TTC39C: variants seen among roughly 807,000 people sequenced by gnomAD.
TTC39C encodes tetratricopeptide repeat protein 39C.
TTC39C carries 33 observed loss-of-function variants against 76.3 expected under a neutral mutation model. The observed-to-expected ratio is 0.43, with a 90% CI of 0.33 to 0.58. TTC39C has a LOEUF of 0.58. Ranked by LOEUF, TTC39C falls within the 20% of genes least tolerant of loss-of-function variation. The pLI is 0.04. For missense variants in TTC39C, 595 were observed against 701.4 expected, an observed-to-expected ratio of 0.85 and a Z score of 1.71; for synonymous variants, 254 against 260.6, an observed-to-expected ratio of 0.97 and a Z score of 0.24.
At chr18:24,087,347 C>A (rs896782797) in intron 6 of TTC39C, among the ~76,000 whole-genome samples, 5 of 152,106 alleles carry the variant, frequency 3.3e-5, no homozygotes, top group Non-Finnish European at 5.9e-5. Context: ...ATTTACACAA[C>A]TTTTTTCTCT....
chr18:24,109,883 G>A (rs988143663), intron 6 of TTC39C, among the ~76,000 whole-genome samples: 6 of 152,038 alleles, frequency 3.9e-5, no homozygotes, highest in African/African-American at 1.5e-4. Flanking sequence ...GTGCACACCT[G>A]TAATCCCAGC....
chr18:24,034,948 A>G (rs2083714875), intron 1 of TTC39C, among the ~76,000 whole-genome samples: 1 of 152,210 alleles, frequency 6.6e-6, no homozygotes, highest in African/African-American at 2.4e-5. Context: ...GGATGTCCAA[A>G]TATCTGAGCT....
rs753860698 is a variant in TTC39C at position 24,125,568 on chromosome 18, A to G, written c.1420+18A>G. On this transcript the variant is annotated intron_variant, in intron 10 of 13. Coordinates refer to ENST00000317571, the MANE Select transcript of TTC39C (RefSeq NM_001135993.2). The stretch of plus-strand genomic sequence containing the variant: ...GAGTCAAGGTAAAAAATTTAAAAAA[A>G]CCCAAAACTGTCTACTGGACACACT... The G allele has an allele frequency of 1.9e-6, 3 of 1,613,778 alleles. No individual in the cohort carries two copies. Among genetic ancestry groups the G allele is most frequent in the Non-Finnish European group, 2.5e-6 (3 of 1,179,922 alleles).
intron 1 of TTC39C, among the ~76,000 whole-genome samples, chr18:24,037,000 T>C (rs1027530989): frequency 2.0e-5 from 3 of 152,196 alleles, no homozygotes; most frequent in Non-Finnish European, 4.4e-5. Flanking sequence ...TGTTTTTCTT[T>C]CCAATTGGGA....
intron 1 of TTC39C, among the ~76,000 whole-genome samples, chr18:24,023,815 CAATTCCCCTTTTATGATTGT>C (rs1485425027): frequency 1.6e-3 from 16 of 10,320 alleles, no homozygotes; most frequent in African/African-American, 1.9e-3. Context: ...CTTTTGCTAA[CAATTCCCCTTTTATGATTGT>C]AATTCCCCTT....
intron 1 of TTC39C, among the ~76,000 whole-genome samples, chr18:24,041,073 GATTACTAGAAAGAGATGA>G (rs1420725762): frequency 6.6e-6 from 1 of 152,148 alleles, no homozygotes; most frequent in Admixed American, 6.5e-5. Flanking sequence ...GGGTCTGTTG[GATTACTAGAAAGAGATGA>G]ATGGAAGTAT....
At chr18:24,009,989 TC>T (rs1455169564), upstream of TTC39C, among the ~76,000 whole-genome samples, 2 of 152,184 alleles carry the variant, frequency 1.3e-5, no homozygotes, top group Non-Finnish European at 2.9e-5. Context: ...ACAACTATGT[TC>T]CCTTCCTTAG....
At chr18:24,061,009 G>A (rs1020798210) in intron 1 of TTC39C, among the ~76,000 whole-genome samples, 1 of 151,922 alleles carries the variant, frequency 6.6e-6, no homozygotes, top group Non-Finnish European at 1.5e-5. Context: ...TGACTTTAGG[G>A]GTTGCATTAT....
At chr18:24,006,431 T>C (rs1037436766) in intron 1 of TTC39C, 1 of 152,200 alleles carries the variant, frequency 6.6e-6, no homozygotes, top group African/African-American at 2.4e-5. Flanking sequence ...CCTCCTGCAA[T>C]TGTCTTCAAA....
rs374081519 is a variant in TTC39C at position 24,134,568 on chromosome 18, C to G, written c.*1994C>G. ...GGGATTACTGGTGTGAGCCACCGTG[C>G]CCGGCCTGGACATCTGGTTTTAACT... is the stretch of plus-strand genomic sequence containing the variant. On this transcript the variant is annotated 3_prime_UTR_variant, in exon 14 of 14. Coordinates refer to ENST00000317571, the MANE Select transcript of TTC39C (RefSeq NM_001135993.2). 1 of 152,114 alleles carries G rather than the reference C, an allele frequency of 6.6e-6. No homozygotes were observed. The highest frequency in any genetic ancestry group is 1.9e-4 in the East Asian group (1 of 5,188). The allele number at this position is 152,114 out of a possible 1,614,324, so 9.4% of individuals were successfully genotyped here.
intron 1 of TTC39C, among the ~76,000 whole-genome samples, chr18:24,053,442 A>G (rs566018378): frequency 1.3e-5 from 2 of 152,330 alleles, no homozygotes; most frequent in East Asian, 3.9e-4. Flanking sequence ...GAGTGATATA[A>G]AAGCTTTTAT....
chr18:24,086,582 A>G (rs550360667), intron 6 of TTC39C, among the ~76,000 whole-genome samples: 2 of 152,298 alleles, frequency 1.3e-5, no homozygotes, highest in South Asian at 2.1e-4. Context: ...GTGCTACACC[A>G]TGATGGTGAG....
At chr18:24,053,453 G>A (rs762584768) in intron 1 of TTC39C, among the ~76,000 whole-genome samples, 1 of 152,172 alleles carries the variant, frequency 6.6e-6, no homozygotes, top group Non-Finnish European at 1.5e-5. Flanking sequence ...AAGCTTTTAT[G>A]TTCTGTGGCA....
chr18:24,123,819 T>C lies in TTC39C; in HGVS notation c.1187-15T>C, dbSNP rs371280183. The C allele has an allele frequency of 5.9e-5, 94 of 1,586,046 alleles. No homozygotes were observed. In the African/African-American group the frequency reaches 1.2e-3, roughly 20 times the overall value. On this transcript the variant is annotated splice_polypyrimidine_tract_variant and intron_variant, in intron 8 of 13. Transcript: ENST00000317571. ...CTGACTTGTACTTAAGAAATATAAT[T>C]ATGGTTTCTTACAGTTTGTCAGGGA... is the stretch of plus-strand genomic sequence containing the variant.
chr18:24,112,499 G>A (rs181199195), intron 6 of TTC39C, among the ~76,000 whole-genome samples: 1 of 152,232 alleles, frequency 6.6e-6, no homozygotes, highest in Admixed American at 6.5e-5. Context: ...AGGGTTAAGA[G>A]AAATGATTTG....
chr18:23,997,512 A>C (rs958112774), intron 1 of TTC39C, among the ~76,000 whole-genome samples: 1 of 147,018 alleles, frequency 6.8e-6, no homozygotes, highest in Non-Finnish European at 1.5e-5. Context: ...AGATTGCCCA[A>C]CTGTACTCCA....
intron 1 of TTC39C, among the ~76,000 whole-genome samples, chr18:24,061,773 G>C (rs944378268): frequency 6.6e-6 from 1 of 152,100 alleles, no homozygotes; most frequent in African/African-American, 2.4e-5. Context: ...GCATGGTGGT[G>C]CCTGCCTGTA....
At chr18:24,098,711 C>A (rs2084632173) in intron 6 of TTC39C, among the ~76,000 whole-genome samples, 1 of 151,464 alleles carries the variant, frequency 6.6e-6, no homozygotes, top group African/African-American at 2.4e-5. Flanking sequence ...TGGTTCATTG[C>A]AACCTCTGCC....
At chr18:24,040,846 G>A (rs1291770954) in intron 1 of TTC39C, among the ~76,000 whole-genome samples, 5 of 152,204 alleles carry the variant, frequency 3.3e-5, no homozygotes, top group Admixed American at 2.6e-4. Flanking sequence ...ACAAGGGCCA[G>A]TGTAGACATC....
Sources: allele counts gnomAD v4.1 joint callset (sites outside exome capture counted in the v4.1 genomes callset), GRCh38; gene constraint gnomAD v4.1.1; transcripts MANE v1.5; gene names NCBI Gene and HGNC (gene_info 2026-07-23, HGNC 2026-07-21).